The following ADAM12 variants were observed in gnomAD, a reference collection of about 807,000 sequenced individuals.
The protein encoded by ADAM12 is ADAM metallopeptidase domain 12.
A neutral mutation model predicts 106.4 loss-of-function variants in ADAM12; 70 were observed. The observed-to-expected ratio is 0.66, with a 90% CI of 0.54 to 0.80. The LOEUF (loss-of-function observed/expected upper bound fraction) is 0.80, where lower values mean the gene tolerates loss of function less well. Among genes scored for constraint, ADAM12 ranks in the 30% least tolerant of loss-of-function variants. ADAM12 has a pLI of 0.00. For synonymous variants in ADAM12, 420 were observed against 433.5 expected (o/e 0.97, Z 0.39); for missense variants, 1,010 against 1,171.9 (o/e 0.86, Z 2.02).
intron 2 of ADAM12, among the ~76,000 whole-genome samples, chr10:126,315,412 A>G (rs148878820): frequency 9.2e-5 from 14 of 152,314 alleles, no homozygotes; most frequent in African/African-American, 3.4e-4. Context: ...ATAACCAACA[A>G]AAATGCATCC....
chr10:126,203,523 C>T (rs540336741), intron 3 of ADAM12, among the ~76,000 whole-genome samples: 100 of 152,142 alleles, frequency 6.6e-4, no homozygotes, highest in African/African-American at 2.3e-3. Flanking sequence ...AGCATAAACA[C>T]GCAGAAATAC....
intron 3 of ADAM12, among the ~76,000 whole-genome samples, chr10:126,211,851 G>C (rs545451547): frequency 8.5e-5 from 13 of 152,374 alleles, no homozygotes; most frequent in African/African-American, 3.1e-4. Context: ...AAGTTCAGTA[G>C]AGTGAGGGAG....
chr10:126,224,374 G>T (rs1209140709), intron 3 of ADAM12, among the ~76,000 whole-genome samples: 1 of 152,190 alleles, frequency 6.6e-6, no homozygotes, highest in East Asian at 1.9e-4. Context: ...TTCCACCAGG[G>T]CCCTGTCTTG....
intron 4 of ADAM12, among the ~76,000 whole-genome samples, chr10:126,142,174 A>G (rs1296378909): frequency 6.6e-6 from 1 of 152,208 alleles, no homozygotes; most frequent in East Asian, 1.9e-4. Context: ...CAGCTCGGTC[A>G]GGGAGACCCT....
At chr10:126,234,061 G>A (rs1958366926) in intron 3 of ADAM12, among the ~76,000 whole-genome samples, 1 of 152,188 alleles carries the variant, frequency 6.6e-6, no homozygotes, top group African/African-American at 2.4e-5. Flanking sequence ...AAGTAATGAA[G>A]AGGCTGAAAA....
chr10:126,191,534 T>C lies in ADAM12; in HGVS notation c.261-36229A>G, dbSNP rs375319957. ...CAGGATTGATGTGTATAGAAGGAGA[T>C]GGATCAGAGGGGGTGGGTAAGGAAA... is the stretch of plus-strand genomic sequence containing the variant. On this transcript the variant is annotated intron_variant, in intron 3 of 22. Transcript: ENST00000448723. Among the ~76,000 whole-genome samples, 37 of 148,352 alleles carry C rather than the reference T, an allele frequency of 2.5e-4. 1 individual carries two copies. The East Asian group carries it at 5.3e-3, about 21-fold the overall frequency.
At chr10:126,098,591 A>C in intron 9 of ADAM12, 91 bp from the exon 10 acceptor site, 1 of 1,062,368 alleles carries the variant, frequency 9.4e-7, no homozygotes, top group Non-Finnish European at 1.4e-6. Flanking sequence ...TCCTGCAATA[A>C]AATACGCAAA....
intron 12 of ADAM12, among the ~76,000 whole-genome samples, chr10:126,067,373 C>T (rs956597061): frequency 1.3e-5 from 2 of 152,222 alleles, no homozygotes; most frequent in Non-Finnish European, 2.9e-5. Context: ...TTCCATCACT[C>T]GGAAAGTCAG....
At chr10:126,346,706 C>G (rs1171615362) in intron 1 of ADAM12, among the ~76,000 whole-genome samples, 1 of 152,166 alleles carries the variant, frequency 6.6e-6, no homozygotes, top group African/African-American at 2.4e-5. Flanking sequence ...CTGGGTGCTC[C>G]TGTATTGGGT....
At chr10:126,245,063 C>T (rs1958602385) in intron 3 of ADAM12, among the ~76,000 whole-genome samples, 2 of 152,290 alleles carry the variant, frequency 1.3e-5, no homozygotes, top group South Asian at 4.1e-4. Context: ...ATGCAAACAG[C>T]AAGGCTGGGG....
At chr10:126,219,327 G>C (rs1438313337) in intron 3 of ADAM12, among the ~76,000 whole-genome samples, 1 of 152,182 alleles carries the variant, frequency 6.6e-6, no homozygotes, top group Non-Finnish European at 1.5e-5. Context: ...GCTCTGCTCA[G>C]ATTGAACCAT....
At chr10:126,368,122 C>A (rs1855978706) in intron 1 of ADAM12, among the ~76,000 whole-genome samples, 1 of 151,572 alleles carries the variant, frequency 6.6e-6, no homozygotes, top group African/African-American at 2.4e-5. Flanking sequence ...TATATGTATG[C>A]ATGTGTGTAT....
intron 11 of ADAM12, among the ~76,000 whole-genome samples, chr10:126,081,386 A>C (rs1955213184): frequency 6.6e-6 from 1 of 152,182 alleles, no homozygotes; most frequent in African/African-American, 2.4e-5. Context: ...GGGGGAAAAA[A>C]ACAAAACAAA....
chr10:126,365,618 G>T (rs909922868), intron 1 of ADAM12, among the ~76,000 whole-genome samples: 1 of 152,160 alleles, frequency 6.6e-6, no homozygotes, highest in African/African-American at 2.4e-5. Context: ...GCAGGAAGGA[G>T]AAGTGTGGAG....
In ADAM12 at chr10:126,235,778, G is replaced by A. The variant is rs1450026289; in HGVS notation, c.260+43137C>T. ...ACCATTGGTTTCCAAGAAAAATAAT[G>A]GTCGTGTTCGAGGAGAGTGGCAGTG... is the stretch of plus-strand genomic sequence containing the variant. On this transcript the variant is annotated intron_variant, in intron 3 of 22. Coordinates refer to ENST00000448723, the MANE Select transcript of ADAM12 (RefSeq NM_001288973.2). 2.0e-5 allele frequency among the ~76,000 whole-genome samples: 3 copies of A among 152,192 alleles called. No individual in the cohort carries two copies. In the East Asian group the frequency reaches 5.8e-4, roughly 29 times the overall value.
At chr10:126,222,777 A>G (rs1344237608) in intron 3 of ADAM12, among the ~76,000 whole-genome samples, 2 of 152,192 alleles carry the variant, frequency 1.3e-5, no homozygotes, top group Non-Finnish European at 2.9e-5. Context: ...GCAATTTCAC[A>G]CTTTTATAGA....
intron 3 of ADAM12, among the ~76,000 whole-genome samples, chr10:126,265,795 A>C (rs1033855658): frequency 6.6e-6 from 1 of 152,288 alleles, no homozygotes; most frequent in South Asian, 2.1e-4. Context: ...AGGATAGGGA[A>C]CCTATATATT....
At chr10:126,154,906 C>A (rs919659453) in intron 4 of ADAM12, among the ~76,000 whole-genome samples, 17 of 152,162 alleles carry the variant, frequency 1.1e-4, no homozygotes, top group Non-Finnish European at 2.9e-5. Flanking sequence ...GGCAAGGCTG[C>A]CTTCCAAGCC....
intron 3 of ADAM12, among the ~76,000 whole-genome samples, chr10:126,164,111 G>A (rs1956983812): frequency 6.6e-6 from 1 of 152,150 alleles, no homozygotes; most frequent in Non-Finnish European, 1.5e-5. Flanking sequence ...GAGGGAAACA[G>A]GGAAAGAAAA....
Sources: gnomAD v4.1 joint callset for allele counts (sites outside exome capture counted in the v4.1 genomes callset) on GRCh38, gnomAD v4.1.1 for gene constraint, MANE v1.5 for transcripts, NCBI Gene and HGNC (gene_info 2026-07-23, HGNC 2026-07-21) for gene names.